Variants in DHODH observed in about 807,000 individuals in gnomAD.
DHODH encodes the protein dihydroorotate dehydrogenase (quinone).
DHODH carries 30 observed loss-of-function variants against 39.7 expected under a neutral mutation model. The observed-to-expected ratio is 0.76, with a 90% CI of 0.57 to 1.02. DHODH has a LOEUF of 1.02. Ranked by LOEUF, DHODH falls within the 50% of genes least tolerant of loss-of-function variation. The pLI is 0.00. For synonymous variants in DHODH, 222 were observed against 213.8 expected, an observed-to-expected ratio of 1.04 and a Z score of -0.34; for missense variants, 531 against 520.8, an observed-to-expected ratio of 1.02 and a Z score of -0.19.
intron 1 of DHODH, among the ~76,000 whole-genome samples, chr16:72,010,907 G>A (rs1045739871): frequency 6.6e-6 from 1 of 151,986 alleles, no homozygotes; most frequent in South Asian, 2.1e-4. Context: ...TTTATATTTT[G>A]TAGAGACGGG....
In DHODH at chr16:72,023,176, T is replaced by C. The variant is rs1378238796; in HGVS notation, c.831T>C (p.Asp277=). The change falls in exon 7 of 9, where the codon GAT becomes GAC. Residue 277 remains aspartate, a synonymous_variant. Coordinates refer to ENST00000219240, the MANE Select transcript of DHODH (RefSeq NM_001361.5). ...ATCTCGCACTGCAGTTGGGCATCGA[T>C]GGGCTGATTGTTACGAACACCACCG... is the stretch of plus-strand genomic sequence containing the variant. ...IASVVKELGI[D]GLIVTNTTVS... is the part of the protein sequence containing the mutation. The C allele has an allele frequency of 5.0e-6, 8 of 1,613,962 alleles. No homozygotes were observed. The highest frequency in any genetic ancestry group is 1.3e-5 in the African/African-American group (1 of 74,886).
Position 72,021,216 on chromosome 16 carries a change from CT to C in DHODH, c.611del (p.Leu204ArgfsTer7), listed in dbSNP as rs1215488320. 1.9e-6 allele frequency: 3 copies of C among 1,612,132 alleles called. No individual in the cohort carries two copies. Among genetic ancestry groups the C allele is most frequent in the Non-Finnish European group, 1.7e-6 (2 of 1,179,362 alleles). ...AGAAGGGGTGCGCGTACTGGGCCCC[CT>C]GGCCGACTACCTGGTGGTGAATGTG... ...YAEGVRVLGP[L>X]ADYLVVNVSS... On this transcript the variant is annotated frameshift_variant, in exon 5 of 9. Coordinates refer to ENST00000219240, the MANE Select transcript of DHODH (RefSeq NM_001361.5). LOFTEE classifies it high-confidence loss of function.
chr16:72,015,694 A>G (rs1053165601), intron 3 of DHODH: 38 of 985,386 alleles, frequency 3.9e-5, no homozygotes, highest in South Asian at 4.7e-5. Flanking sequence ...GTGGGGATCA[A>G]TATCTTCAGA....
intron 4 of DHODH, 80 bp from the exon 5 acceptor site, chr16:72,021,044 G>A: frequency 7.0e-7 from 1 of 1,422,486 alleles, no homozygotes; most frequent in African/African-American, 1.4e-5. Flanking sequence ...CTGTCCACAG[G>A]TGGTTTGGTC....
At chr16:72,014,418 T>G in intron 2 of DHODH, 55 bp from the exon 3 acceptor site, 169 of 1,543,832 alleles carry the variant, frequency 1.1e-4, no homozygotes, top group Non-Finnish European at 1.3e-4. Flanking sequence ...AACCATGCTT[T>G]GAGAAATACC....
chr16:72,013,519 C>A (rs990028662), intron 2 of DHODH: 1 of 152,180 alleles, frequency 6.6e-6, no homozygotes, highest in Non-Finnish European at 1.5e-5. Context: ...ACTTTTTAAC[C>A]GGTAACCAGG....
chr16:72,017,441 G>A (rs938670956), intron 4 of DHODH, among the ~76,000 whole-genome samples: 5 of 152,128 alleles, frequency 3.3e-5, no homozygotes, highest in South Asian at 2.1e-4. Context: ...TCATCCTCCC[G>A]TGGCCCACTC....
intron 1 of DHODH, among the ~76,000 whole-genome samples, chr16:72,011,174 A>T (rs2041077637): frequency 6.6e-6 from 1 of 152,240 alleles, no homozygotes. Context: ...GTTGTGTTTA[A>T]GTCTCTACTT....
At chr16:72,015,221 C>T (rs1470872739) in intron 3 of DHODH, among the ~76,000 whole-genome samples, 1 of 152,190 alleles carries the variant, frequency 6.6e-6, no homozygotes, top group Admixed American at 6.5e-5. Context: ...CTTCTTTTGC[C>T]TGTACCAAGT....
At chr16:72,014,728 C>G (rs1436997389) in intron 3 of DHODH, 56 bp downstream of exon 3, 1 of 1,554,598 alleles carries the variant, frequency 6.4e-7, no homozygotes, top group Non-Finnish European at 8.8e-7. Context: ...TGGGGGCGTT[C>G]AGAGATATAA....
At chr16:72,016,927 A>ATTT in intron 3 of DHODH, 97 bp from the exon 4 acceptor site, 1 of 968,344 alleles carries the variant, frequency 1.0e-6, no homozygotes, top group Non-Finnish European at 1.5e-6. Flanking sequence ...ACTGACTGTG[A>ATTT]TTTTTTTTTT....
At position 72,017,124 on chromosome 16, in the gene DHODH, C is replaced by T. The variant is rs1403115518; in HGVS notation, c.517+18C>T. 1.2e-6 allele frequency: 2 copies of T among 1,611,618 alleles called. No homozygotes were observed. The highest frequency in any genetic ancestry group is 1.7e-6 in the Non-Finnish European group (2 of 1,177,846). ...CACAGAAGGTAAAGTGGGGTTGTGT[C>T]AGTGGGCCTTTCTTATTTATTAGGA... On this transcript the variant is annotated intron_variant, in intron 4 of 8. Coordinates refer to ENST00000219240, the MANE Select transcript of DHODH (RefSeq NM_001361.5).
intron 2 of DHODH, 122 bp from the exon 3 acceptor site, chr16:72,014,351 C>A: frequency 1.1e-6 from 1 of 944,696 alleles, no homozygotes; most frequent in Non-Finnish European, 1.7e-6. Context: ...TGGGGGTGGG[C>A]CCTGGGATCT....
intron 4 of DHODH, among the ~76,000 whole-genome samples, chr16:72,019,919 A>G (rs912796036): frequency 6.6e-6 from 1 of 152,212 alleles, no homozygotes; most frequent in Non-Finnish European, 1.5e-5. Context: ...AGGCAAGCGG[A>G]TCATTTGAGG....
chr16:72,021,372 C>T, intron 5 of DHODH, 61 bp downstream of exon 5: 1 of 1,523,804 alleles, frequency 6.6e-7, no homozygotes, highest in Non-Finnish European at 8.8e-7. Flanking sequence ...TGCTCCCCTT[C>T]ATTCTCCAGG....
At chr16:72,014,710 T>G (rs765268364) in intron 3 of DHODH, 38 bp downstream of exon 3, 1 of 1,602,870 alleles carries the variant, frequency 6.2e-7, no homozygotes, top group Non-Finnish European at 8.5e-7. Context: ...GGATGCCCTC[T>G]TTCCAGCTGG....
Position 72,019,013 on chromosome 16 carries a change from T to G in DHODH, c.517+1907T>G, listed in dbSNP as rs572783130. Among the ~76,000 whole-genome samples the G allele has an allele frequency of 2.7e-4, 41 of 152,328 alleles. 1 individual carries two copies. Among genetic ancestry groups the G allele is most frequent in the Middle Eastern group, 3.4e-3 (1 of 294 alleles). On this transcript the variant is annotated intron_variant, in intron 4 of 8. Transcript: ENST00000219240. ...TCTCCCGCTATTGCCCAGGCAACAG[T>G]GGTGCAATCTCAGCTCACAGTAGCC...
At chr16:72,016,600 G>A (rs2041143972) in intron 3 of DHODH, 1 of 321,066 alleles carries the variant, frequency 3.1e-6, no homozygotes, top group Non-Finnish European at 6.1e-6. Flanking sequence ...TGCAGGAGGA[G>A]AGGGAGCGTT....
At chr16:72,010,655 G>A (rs2041071830) in intron 1 of DHODH, among the ~76,000 whole-genome samples, 1 of 152,180 alleles carries the variant, frequency 6.6e-6, no homozygotes, top group African/African-American at 2.4e-5. Context: ...AACCACTTTT[G>A]ATCCAATAAG....
Sources: allele counts gnomAD v4.1 joint callset (sites outside exome capture counted in the v4.1 genomes callset), GRCh38; gene constraint gnomAD v4.1.1; transcripts MANE v1.5; gene names NCBI Gene and HGNC (gene_info 2026-07-23, HGNC 2026-07-21).